Variants in NCAM2 observed in about 807,000 individuals in gnomAD.
NCAM2 encodes the protein neural cell adhesion molecule 2.
NCAM2 carries 30 observed loss-of-function variants against 98.1 expected under a neutral mutation model. That is an observed-to-expected ratio of 0.31 (90% CI 0.23 to 0.41). NCAM2 has a LOEUF of 0.41. NCAM2 is among the 10% of genes least tolerant of loss of function. NCAM2 has a pLI of 1.00. For synonymous variants in NCAM2, 368 were observed against 342.4 expected, an observed-to-expected ratio of 1.07 and a Z score of -0.83; for missense variants, 867 against 1,005.8, an observed-to-expected ratio of 0.86 and a Z score of 1.87.
intron 9 of NCAM2, among the ~76,000 whole-genome samples, chr21:21,388,602 C>T (rs2076317573): frequency 3.3e-5 from 5 of 152,144 alleles, no homozygotes; most frequent in Admixed American, 3.3e-4. Context: ...GGCTATGGAG[C>T]ACTGGAAATG....
intron 1 of NCAM2, among the ~76,000 whole-genome samples, chr21:21,229,162 A>G (rs1053339934): frequency 3.3e-5 from 5 of 151,460 alleles, no homozygotes; most frequent in African/African-American, 1.2e-4. Flanking sequence ...GTGGTATTTG[A>G]GGGGATTTTA....
At chr21:21,317,371 A>G (rs1454003743) in intron 5 of NCAM2, among the ~76,000 whole-genome samples, 1 of 152,122 alleles carries the variant, frequency 6.6e-6, no homozygotes, top group East Asian at 1.9e-4. Flanking sequence ...AAATCTTCAC[A>G]CTTACTTATA....
intron 1 of NCAM2, among the ~76,000 whole-genome samples, chr21:21,210,004 CT>C (rs1032279738): frequency 6.6e-6 from 1 of 152,168 alleles, no homozygotes; most frequent in African/African-American, 2.4e-5. Context: ...GGCTGGCCGA[CT>C]TTCCATTGTG....
chr21:21,059,074 CTCTTTAT>C (rs2065270882), intron 1 of NCAM2, among the ~76,000 whole-genome samples: 2 of 152,148 alleles, frequency 1.3e-5, no homozygotes, highest in South Asian at 4.1e-4. Context: ...TTTATATTAA[CTCTTTAT>C]TAATCTATCA....
chr21:21,066,022 C>A (rs2065429206), intron 1 of NCAM2, among the ~76,000 whole-genome samples: 2 of 152,228 alleles, frequency 1.3e-5, no homozygotes, highest in South Asian at 4.2e-4. Flanking sequence ...ATTTACTGAG[C>A]AGGGAGTGTC....
chr21:21,175,941 A>G (rs2068272433), intron 1 of NCAM2, among the ~76,000 whole-genome samples: 1 of 152,220 alleles, frequency 6.6e-6, no homozygotes, highest in Non-Finnish European at 1.5e-5. Flanking sequence ...TCCCCAGAAG[A>G]CTAATTCTCT....
chr21:21,480,477 G>A (rs1215620775), intron 15 of NCAM2, among the ~76,000 whole-genome samples: 1 of 151,970 alleles, frequency 6.6e-6, no homozygotes, highest in Non-Finnish European at 1.5e-5. Flanking sequence ...AATGTGTGAC[G>A]TGGAAGGTAT....
chr21:21,212,782 G>A (rs763359607), intron 1 of NCAM2, among the ~76,000 whole-genome samples: 11 of 136,774 alleles, frequency 8.0e-5, no homozygotes, highest in East Asian at 6.4e-4. Context: ...TTGCTCTGTC[G>A]CCCAGGCTGG....
At chr21:21,237,158 T>C (rs1454636878) in intron 1 of NCAM2, among the ~76,000 whole-genome samples, 1 of 152,140 alleles carries the variant, frequency 6.6e-6, no homozygotes, top group African/African-American at 2.4e-5. Context: ...AGAATACAAA[T>C]ATAATCGGCA....
chr21:21,213,851 A>G (rs1382925931), intron 1 of NCAM2, among the ~76,000 whole-genome samples: 1 of 152,162 alleles, frequency 6.6e-6, no homozygotes, highest in African/African-American at 2.4e-5. Flanking sequence ...GTAAACATAC[A>G]CATAGTATTT....
At chr21:21,433,790 T>TAAAATAAAATAAAATA (rs1555894927) in intron 12 of NCAM2, among the ~76,000 whole-genome samples, 2 of 135,886 alleles carry the variant, frequency 1.5e-5, no homozygotes, top group African/African-American at 2.7e-5. Flanking sequence ...TAAAATAAAA[T>TAAAATAAAATAAAATA]AAAATAAAAA....
In NCAM2 at chr21:21,411,559, A is replaced by T. The variant is rs542127034; in HGVS notation, c.1383+1098A>T. Reference sequence around the variant, plus strand: ...ATTAATTGGAGTGTATGTGTGTATCAATTTCCGAAACATAAAAAAATCTAT... The same window carrying T: ...ATTAATTGGAGTGTATGTGTGTATCTATTTCCGAAACATAAAAAAATCTAT... On this transcript the variant is annotated intron_variant, in intron 10 of 17. Coordinates refer to ENST00000400546, the MANE Select transcript of NCAM2 (RefSeq NM_004540.5). 2.0e-5 allele frequency among the ~76,000 whole-genome samples: 3 copies of T among 152,184 alleles called. No individual in the cohort carries two copies. The South Asian group carries it at 6.2e-4, about 32-fold the overall frequency.
intron 5 of NCAM2, among the ~76,000 whole-genome samples, chr21:21,300,410 G>C (rs1377082904): frequency 6.6e-6 from 1 of 151,992 alleles, no homozygotes; most frequent in Non-Finnish European, 1.5e-5. Context: ...TGACTTTGGA[G>C]GTTGCCAGGA....
In NCAM2 at chr21:21,508,846, T is replaced by A; in HGVS notation, c.2078-5T>A. 1 of 1,153,926 alleles carries A rather than the reference T, an allele frequency of 8.7e-7. No homozygotes were observed. The highest frequency in any genetic ancestry group is 1.2e-6 in the Non-Finnish European group (1 of 836,870). 71.5% of individuals were successfully genotyped at this position (1,153,926 alleles called of 1,614,324 possible). Reference sequence around the variant, plus strand: ...TTTTTTTTTTTTTTTTTTTTACTTTTTAAGACACGCTGTTTAATGGTCTTG... The same window carrying A: ...TTTTTTTTTTTTTTTTTTTTACTTTATAAGACACGCTGTTTAATGGTCTTG... On this transcript the variant is annotated splice_polypyrimidine_tract_variant and splice_region_variant and intron_variant, in intron 15 of 17. Transcript: ENST00000400546.
At chr21:21,308,327 C>G (rs1024619050) in intron 5 of NCAM2, among the ~76,000 whole-genome samples, 2 of 151,972 alleles carry the variant, frequency 1.3e-5, no homozygotes, top group South Asian at 2.1e-4. Context: ...TGATTCAGTT[C>G]ACCTACTGTA....
chr21:21,393,172 A>G (rs905264912), intron 9 of NCAM2, among the ~76,000 whole-genome samples: 2 of 152,212 alleles, frequency 1.3e-5, no homozygotes, highest in African/African-American at 2.4e-5. Flanking sequence ...ATGGCTAGCC[A>G]GTTATCCCAG....
intron 1 of NCAM2, among the ~76,000 whole-genome samples, chr21:21,233,657 C>T (rs946475746): frequency 6.6e-6 from 1 of 151,614 alleles, no homozygotes; most frequent in Non-Finnish European, 1.5e-5. Flanking sequence ...ATTGTGAGTA[C>T]AAACGATGTT....
intron 9 of NCAM2, among the ~76,000 whole-genome samples, chr21:21,391,314 C>T (rs909396112): frequency 6.6e-6 from 1 of 152,086 alleles, no homozygotes; most frequent in Non-Finnish European, 1.5e-5. Flanking sequence ...GTCTAGGGAA[C>T]CGGAATCTAC....
chr21:21,067,352 A>G (rs577291860), intron 1 of NCAM2, among the ~76,000 whole-genome samples: 1 of 152,142 alleles, frequency 6.6e-6, no homozygotes, highest in Non-Finnish European at 1.5e-5. Flanking sequence ...ATAAAACATG[A>G]GAACTATGTT....
Sources: gnomAD v4.1 joint callset for allele counts (sites outside exome capture counted in the v4.1 genomes callset) on GRCh38, gnomAD v4.1.1 for gene constraint, MANE v1.5 for transcripts, NCBI Gene and HGNC (gene_info 2026-07-23, HGNC 2026-07-21) for gene names.